Variants in KIAA2012 observed in about 807,000 individuals in gnomAD.
KIAA2012 encodes the protein KIAA2012.
A neutral mutation model predicts 150.6 loss-of-function variants in KIAA2012; 125 were observed. The observed-to-expected ratio is 0.83, with a 90% CI of 0.72 to 0.96. KIAA2012 has a LOEUF of 0.96. Among genes scored for constraint, KIAA2012 ranks in the 40% least tolerant of loss-of-function variants. The pLI is 0.00. For synonymous variants in KIAA2012, 462 were observed against 504.7 expected (o/e 0.92, Z 1.13); for missense variants, 1,219 against 1,354.9 (o/e 0.90, Z 1.57).
At chr2:202,148,058 A>G (rs1314588642) in intron 13 of KIAA2012, among the ~76,000 whole-genome samples, 1 of 152,222 alleles carries the variant, frequency 6.6e-6, no homozygotes, top group Non-Finnish European at 1.5e-5. Context: ...TTGTATCAAC[A>G]AAGCACGTAA....
intron 9 of KIAA2012, among the ~76,000 whole-genome samples, chr2:202,109,283 A>G (rs889954782): frequency 1.3e-5 from 2 of 152,202 alleles, no homozygotes; most frequent in Non-Finnish European, 2.9e-5. Context: ...AGATGAGAAT[A>G]AAAACCACCA....
chr2:202,130,374 T>G (rs1690903815), intron 12 of KIAA2012, among the ~76,000 whole-genome samples: 1 of 152,226 alleles, frequency 6.6e-6, no homozygotes, highest in Admixed American at 6.5e-5. Flanking sequence ...GTGCATGATA[T>G]GCATTAAGGG....
chr2:202,120,549 C>G (rs563098661), intron 11 of KIAA2012, among the ~76,000 whole-genome samples: 1 of 152,142 alleles, frequency 6.6e-6, no homozygotes, highest in African/African-American at 2.4e-5. Context: ...CTTCTAGTCC[C>G]TCTTATCCAG....
At chr2:202,165,034 C>A (rs1286435256) in intron 14 of KIAA2012, among the ~76,000 whole-genome samples, 1 of 151,984 alleles carries the variant, frequency 6.6e-6, no homozygotes, top group East Asian at 1.9e-4. Context: ...GCAATTTTCC[C>A]ATCTCAGCCT....
At chr2:202,087,871 G>A (rs1292731604) in intron 2 of KIAA2012, among the ~76,000 whole-genome samples, 1 of 151,982 alleles carries the variant, frequency 6.6e-6, no homozygotes, top group Non-Finnish European at 1.5e-5. Context: ...ATTGACCAGA[G>A]CTAGGTCCCT....
intron 13 of KIAA2012, among the ~76,000 whole-genome samples, chr2:202,138,849 G>A (rs913005970): frequency 6.6e-6 from 1 of 152,268 alleles, no homozygotes; most frequent in South Asian, 2.1e-4. Context: ...TTAGTAATTC[G>A]TAATTAGAGA....
In KIAA2012 at chr2:202,165,346, CA is replaced by C. The variant is rs1395277696; in HGVS notation, c.2111del (p.Asn704ThrfsTer10). The C allele has an allele frequency of 6.5e-7, 1 of 1,550,136 alleles. No homozygotes were observed. Among genetic ancestry groups the C allele is most frequent in the Non-Finnish European group, 8.7e-7 (1 of 1,146,760 alleles). On this transcript the variant is annotated frameshift_variant, in exon 15 of 24. Transcript: ENST00000498697. LOFTEE classifies it high-confidence loss of function. ...GGAGACCCCTCAGAGAAACTCACCA[CA>C]ACGACCAAGGTACAGACCACTAGGT... ...AGRPLRETHH[N>X]DQDPEPRSMT...
rs112360052 is a variant in KIAA2012, at chr2:202,139,234, G to GA, written c.1908+744dup. ...AATCCAGAGTGAGACCCTGTCTCAG[G>GA]AAAAAAAAAAAAAAAAAAGAATATC... On this transcript the variant is annotated intron_variant, in intron 13 of 23. Coordinates refer to ENST00000498697, the MANE Select transcript of KIAA2012 (RefSeq NM_001277372.4). Among the ~76,000 whole-genome samples the GA allele has an allele frequency of 6.5e-3, 760 of 116,304 alleles. 6 individuals carry two copies. Among genetic ancestry groups the GA allele is most frequent in the Non-Finnish European group, 0.01 (557 of 55,184 alleles). The allele number at this position is 116,304 out of a possible 152,430, so 76.3% of individuals were successfully genotyped here. A position where few individuals can be genotyped will look rare whatever the true frequency, so the allele number is the denominator to read the frequency against.
chr2:202,147,970 T>C (rs1452271769), intron 13 of KIAA2012, among the ~76,000 whole-genome samples: 1 of 152,138 alleles, frequency 6.6e-6, no homozygotes, highest in Non-Finnish European at 1.5e-5. Flanking sequence ...CTACCTCCCT[T>C]GGGGCAGAAG....
intron 12 of KIAA2012, chr2:202,135,987 C>CA: frequency 3.3e-6 from 1 of 302,842 alleles, no homozygotes. Context: ...CAAGCTGATT[C>CA]AAATTTAAAA....
intron 11 of KIAA2012, chr2:202,114,939 C>T (rs571560998): frequency 1.2e-5 from 2 of 167,604 alleles, no homozygotes; most frequent in East Asian, 3.9e-4. Flanking sequence ...CTTTCTCAAG[C>T]CTTTCCTCCA....
chr2:202,196,405 C>T (rs969796240), intron 21 of KIAA2012, among the ~76,000 whole-genome samples: 22 of 151,632 alleles, frequency 1.5e-4, no homozygotes, highest in Non-Finnish European at 2.9e-4. Flanking sequence ...CCGTGTTAGC[C>T]AGGATGGTCT....
intron 14 of KIAA2012, among the ~76,000 whole-genome samples, chr2:202,158,167 T>C (rs1691567938): frequency 6.6e-6 from 1 of 152,154 alleles, no homozygotes; most frequent in South Asian, 2.1e-4. Context: ...GCTAATTTTT[T>C]GTATTTTTAG....
At chr2:202,134,328 TG>T (rs1446411644) in intron 12 of KIAA2012, among the ~76,000 whole-genome samples, 1 of 152,026 alleles carries the variant, frequency 6.6e-6, no homozygotes, top group Non-Finnish European at 1.5e-5. Flanking sequence ...CAACAGCTAC[TG>T]CCCTTGTAAC....
At chr2:202,200,433 G>C (rs1270110871) in intron 22 of KIAA2012, among the ~76,000 whole-genome samples, 6 of 152,022 alleles carry the variant, frequency 3.9e-5, no homozygotes, top group East Asian at 1.9e-4. Context: ...TCTGTGCTTG[G>C]GGCACAGAGG....
intron 2 of KIAA2012, among the ~76,000 whole-genome samples, chr2:202,077,967 G>A (rs751091674): frequency 3.3e-5 from 5 of 152,214 alleles, no homozygotes; most frequent in Admixed American, 1.3e-4. Flanking sequence ...TAGGGAAACA[G>A]CAGTCTCACA....
intron 15 of KIAA2012, chr2:202,179,780 T>C (rs749753107): frequency 4.8e-5 from 30 of 630,008 alleles, no homozygotes; most frequent in Non-Finnish European, 8.0e-5. Context: ...GCCACAGCAG[T>C]GGGAAAGAAC....
chr2:202,074,740 G>A, intron 1 of KIAA2012, 151 bp from the exon 2 acceptor site: 1 of 762,094 alleles, frequency 1.3e-6, no homozygotes, highest in Non-Finnish European at 2.0e-6. Context: ...AAAGGCAGTT[G>A]CTAAGAAGAG....
intron 15 of KIAA2012, among the ~76,000 whole-genome samples, chr2:202,168,580 T>G (rs911876494): frequency 1.3e-5 from 2 of 152,132 alleles, no homozygotes; most frequent in African/African-American, 4.8e-5. Context: ...TTTCTTTACT[T>G]TCCCAGTCTG....
Sources: gnomAD v4.1 joint callset for allele counts (sites outside exome capture counted in the v4.1 genomes callset) on GRCh38, gnomAD v4.1.1 for gene constraint, MANE v1.5 for transcripts, NCBI Gene and HGNC (gene_info 2026-07-23, HGNC 2026-07-21) for gene names.